The following DMGDH variants were observed in gnomAD, a reference collection of about 807,000 sequenced individuals.
DMGDH encodes dimethylglycine dehydrogenase, mitochondrial.
In DMGDH, 76 loss-of-function variants were observed where a neutral mutation model predicts 95.2. That is an observed-to-expected ratio of 0.80 (90% CI 0.66 to 0.97). The LOEUF is 0.97. Ranked by LOEUF, DMGDH falls within the 50% of genes least tolerant of loss-of-function variation. The probability of loss-of-function intolerance (pLI) is 0.00; values close to 1 mark genes in which losing one functional copy is unlikely to be tolerated. For synonymous variants in DMGDH, 345 were observed against 377.6 expected, an observed-to-expected ratio of 0.91 and a Z score of 1.00; for missense variants, 987 against 1,055.0, an observed-to-expected ratio of 0.94 and a Z score of 0.89.
rs774224343 is a variant in DMGDH, at chr5:79,044,417, A to G, written c.881T>C (p.Leu294Pro). Residue 294 changes from leucine (L) to proline (P), a missense_variant, in exon 6 of 16, where the codon CTG (leucine) becomes CCG (proline). Coordinates refer to ENST00000255189, the MANE Select transcript of DMGDH (RefSeq NM_013391.3). ...CTGTCGGAGATAATATGATCCTTCC[A>G]GGTCACGGAGCACAGGCAGTTCTCG... The part of the protein sequence containing the change: ...LKRELPVLRD[L>P]EGSYYLRQER... 18 of 1,614,224 alleles carry G rather than the reference A, an allele frequency of 1.1e-5. No individual in the cohort carries two copies. The South Asian group carries it at 2.0e-4, about 18-fold the overall frequency.
At chr5:79,032,450 AG>A (rs1171157523) in intron 9 of DMGDH, among the ~76,000 whole-genome samples, 1 of 152,198 alleles carries the variant, frequency 6.6e-6, no homozygotes, top group Non-Finnish European at 1.5e-5. Context: ...AAATGCCAAG[AG>A]GCTTCACCAA....
chr5:79,008,840 C>A (rs905544770), intron 14 of DMGDH, among the ~76,000 whole-genome samples: 1 of 152,046 alleles, frequency 6.6e-6, no homozygotes, highest in African/African-American at 2.4e-5. Context: ...ATTTCTTATG[C>A]CCTTGCTGTG....
chr5:79,048,439 G>A (rs976918798), intron 5 of DMGDH, among the ~76,000 whole-genome samples: 3 of 152,084 alleles, frequency 2.0e-5, no homozygotes, highest in Admixed American at 6.6e-5. Flanking sequence ...CATTTTGGTT[G>A]TATTTCCAAG....
At chr5:79,008,775 T>G (rs1404794549) in intron 14 of DMGDH, among the ~76,000 whole-genome samples, 1 of 151,896 alleles carries the variant, frequency 6.6e-6, no homozygotes, top group Non-Finnish European at 1.5e-5. Context: ...GAAAAAAAAA[T>G]AGAGTAGTAA....
chr5:79,062,660 C>G (rs984135422), intron 2 of DMGDH, among the ~76,000 whole-genome samples: 3 of 152,082 alleles, frequency 2.0e-5, no homozygotes, highest in Non-Finnish European at 4.4e-5. Context: ...TATGGCGCAG[C>G]CCTGGAACAA....
At position 79,044,469 on chromosome 5, in the gene DMGDH, T is replaced by A; in HGVS notation, c.829A>T (p.Thr277Ser). 1.9e-6 allele frequency: 3 copies of A among 1,614,166 alleles called. No individual in the cohort carries two copies. The South Asian group carries it at 3.3e-5, about 18-fold the overall frequency. ...PVQHQYVVTS[T>S]ISEVKALKRE... ...TTCAAAGCTTTCACTTCAGATATAGTCGATGTAACAACATATTGATGTTGA... is the reference window on the plus strand; with the variant it reads ...TTCAAAGCTTTCACTTCAGATATAGACGATGTAACAACATATTGATGTTGA... Residue 277 changes from threonine to serine, a missense_variant, in exon 6 of 16, where the codon ACT (threonine) becomes TCT (serine). Physicochemically the swap from Thr to Ser is moderately conservative, Grantham distance 58. Transcript: ENST00000255189.
chr5:79,031,997 T>G (rs1043040707), intron 9 of DMGDH, among the ~76,000 whole-genome samples: 1 of 152,182 alleles, frequency 6.6e-6, no homozygotes, highest in African/African-American at 2.4e-5. Flanking sequence ...CAAAACCTAT[T>G]GTAAAAAGCA....
intron 11 of DMGDH, 110 bp from the exon 12 acceptor site, chr5:79,028,760 C>A: frequency 8.2e-7 from 1 of 1,212,832 alleles, no homozygotes; most frequent in Non-Finnish European, 1.2e-6. Flanking sequence ...AGAAAGTCCC[C>A]AGAGTGTCAT....
Position 78,998,258 on chromosome 5 carries a change from TGCTGTAGCTATA to T in DMGDH, c.2413_2424del (p.Tyr805_Ser808del), listed in dbSNP as rs1464605676. ...TATGCGAAAGCCAGACTCTTCTGGATGCTGTAGCTATAGCTTCCAGATGTCGTGTTGCCAACC... is the reference window on the plus strand; with the variant it reads ...TATGCGAAAGCCAGACTCTTCTGGATGCTTCCAGATGTCGTGTTGCCAACC... On this transcript the variant is annotated inframe_deletion, in exon 16 of 16. Coordinates refer to ENST00000255189, the MANE Select transcript of DMGDH (RefSeq NM_013391.3). The T allele has an allele frequency of 6.2e-7, 1 of 1,614,042 alleles. No individual in the cohort carries two copies. Among genetic ancestry groups the T allele is most frequent in the African/African-American group, 1.3e-5 (1 of 74,932 alleles).
chr5:79,010,348 G>C (rs979911580), intron 14 of DMGDH, among the ~76,000 whole-genome samples: 25 of 152,192 alleles, frequency 1.6e-4, no homozygotes, highest in African/African-American at 5.3e-4. Context: ...CTGATATGGA[G>C]AGTCAGGGTA....
At chr5:79,006,850 C>CCCCCCCCCCG (rs142991064) in intron 14 of DMGDH, among the ~76,000 whole-genome samples, 2 of 147,568 alleles carry the variant, frequency 1.4e-5, no homozygotes, top group East Asian at 2.0e-4. Context: ...CTGAGACCCC[C>CCCCCCCCCCG]CCAGTCCATT....
intron 6 of DMGDH, among the ~76,000 whole-genome samples, chr5:79,042,775 T>A (rs929958994): frequency 7.9e-5 from 12 of 151,752 alleles, no homozygotes; most frequent in East Asian, 1.9e-4. Flanking sequence ...CAGTTTTTTT[T>A]AAAAAAAAAC....
At chr5:79,064,422 T>C (rs1755310790) in intron 1 of DMGDH, among the ~76,000 whole-genome samples, 1 of 152,030 alleles carries the variant, frequency 6.6e-6, no homozygotes, top group African/African-American at 2.4e-5. Context: ...ATCAAGCTTG[T>C]AGGACTGGAA....
At chr5:79,041,160 C>G (rs1358234066) in intron 7 of DMGDH, among the ~76,000 whole-genome samples, 1 of 152,236 alleles carries the variant, frequency 6.6e-6, no homozygotes, top group Non-Finnish European at 1.5e-5. Flanking sequence ...TCTCCCATCT[C>G]TCAGTCTTCA....
chr5:79,011,441 C>T (rs1344000231), intron 14 of DMGDH, among the ~76,000 whole-genome samples: 3 of 152,310 alleles, frequency 2.0e-5, no homozygotes, highest in Admixed American at 6.5e-5. Flanking sequence ...ACAATTTCAA[C>T]ATCTCCTTGA....
intron 14 of DMGDH, 56 bp from the exon 15 acceptor site, chr5:79,005,463 T>C: frequency 6.2e-7 from 1 of 1,611,076 alleles, no homozygotes; most frequent in Non-Finnish European, 8.5e-7. Context: ...GTGACAAGGT[T>C]AGAGATGCAA....
chr5:79,025,538 C>CT (rs1753976010), intron 13 of DMGDH, among the ~76,000 whole-genome samples: 1 of 152,188 alleles, frequency 6.6e-6, no homozygotes, highest in African/African-American at 2.4e-5. Context: ...TTCCTAGACT[C>CT]TCTCTACTAT....
intron 15 of DMGDH, among the ~76,000 whole-genome samples, chr5:79,003,903 C>T (rs557606340): frequency 6.5e-4 from 99 of 151,994 alleles, no homozygotes; most frequent in South Asian, 3.1e-3. Flanking sequence ...GCTGAGATCA[C>T]GCCACTGCAC....
chr5:79,042,980 T>C (rs1184351811), intron 6 of DMGDH, among the ~76,000 whole-genome samples: 1 of 152,180 alleles, frequency 6.6e-6, no homozygotes, highest in Admixed American at 6.5e-5. Context: ...AGGAATGGTG[T>C]GGAGGCCTCC....
Sources: allele counts gnomAD v4.1 joint callset (sites outside exome capture counted in the v4.1 genomes callset), GRCh38; gene constraint gnomAD v4.1.1; transcripts MANE v1.5; gene names NCBI Gene and HGNC (gene_info 2026-07-23, HGNC 2026-07-21).